The following MUC6 variants were observed in gnomAD, a reference collection of about 807,000 sequenced individuals.
MUC6 encodes the protein mucin 6, oligomeric mucus/gel-forming (gene/pseudogene), also known as mucin-6.
Under a neutral mutation model 201.5 loss-of-function variants are expected in MUC6, and 188 were observed. The ratio of observed to expected loss-of-function variants is 0.93; its 90% CI spans 0.83 to 1.05. The LOEUF is 1.05. Ranked by LOEUF, MUC6 falls within the 50% of genes least tolerant of loss-of-function variation. The pLI is 0.00. For synonymous variants in MUC6, 1,228 were observed against 1,389.4 expected (o/e 0.88, Z 2.58); for missense variants, 2,706 against 3,256.9 (o/e 0.83, Z 4.12).
chr11:1,016,280 G>A lies in MUC6; in HGVS notation c.6521C>T (p.Thr2174Ile), dbSNP rs1367641908. The change falls in exon 31 of 33, where the codon ACC becomes ATC. Residue 2174 changes from threonine (T) to isoleucine (I), a missense_variant. Thr to Ile is a moderately conservative substitution (Grantham distance 89, BLOSUM62 -1). Coordinates refer to ENST00000421673, the MANE Select transcript of MUC6 (RefSeq NM_005961.3). ...SFVSAPVHST[T>I]LSSGSHSSLS... Reference sequence around the variant, plus strand: ...TGAGGAGTGTGACCCCGAGCTCAGGGTTGTGGAGTGCACGGGGGCGGACAC... The same window carrying A: ...TGAGGAGTGTGACCCCGAGCTCAGGATTGTGGAGTGCACGGGGGCGGACAC... 1.2e-6 allele frequency: 2 copies of A among 1,612,836 alleles called. No individual in the cohort carries two copies. The highest frequency in any genetic ancestry group is 1.7e-6 in the Non-Finnish European group (2 of 1,179,618).
chr11:1,013,342 C>T lies in MUC6; in HGVS notation c.*114G>A. ...GCCACGGCCCAGGGCACTTGGGGGC[C>T]AGGCCTGGTGACCAGGAAAGCAGCT... is the stretch of plus-strand genomic sequence containing the variant. On this transcript the variant is annotated 3_prime_UTR_variant, in exon 33 of 33. Coordinates refer to ENST00000421673, the MANE Select transcript of MUC6 (RefSeq NM_005961.3). 8.3e-7 allele frequency: 1 copy of T among 1,204,362 alleles called. No homozygotes were observed. The highest frequency in any genetic ancestry group is 1.6e-5 in the South Asian group (1 of 64,070). 74.6% of individuals were successfully genotyped at this position (1,204,362 alleles called of 1,614,324 possible). A position where few individuals can be genotyped will look rare whatever the true frequency, so the allele number is the denominator to read the frequency against.
rs543051922 is a variant in MUC6 at position 1,016,567 on chromosome 11, G to C, written c.6234C>G (p.Phe2078Leu). ...TSGTSQTHSS[F>L]STATASSSFI... ...AGGAAGAAGAGGCTGTAGCTGTGCT[G>C]AATGAGCTGTGGGTTTGGCTGGTCC... Residue 2078 changes from phenylalanine (F) to leucine (L), a missense_variant, in exon 31 of 33, where the codon TTC becomes TTG. Coordinates refer to ENST00000421673, the MANE Select transcript of MUC6 (RefSeq NM_005961.3). The C allele has an allele frequency of 2.2e-6, 3 of 1,380,954 alleles. No homozygotes were observed. The highest frequency in any genetic ancestry group is 4.3e-5 in the African/African-American group (2 of 46,556). The allele number at this position is 1,380,954 out of a possible 1,614,324, so 85.5% of individuals were successfully genotyped here.
rs777092646 is a variant in MUC6, at chr11:1,020,095, G to A, written c.3803C>T (p.Ser1268Leu). Residue 1268 changes from serine (S) to leucine (L), a missense_variant, in exon 29 of 33, where the codon TCG (serine) becomes TTG (leucine). Transcript: ENST00000421673. ...CTCAGCTGGAGGCTCCTTACCTCCC[G>A]AGGAGGCTGTGGGCTTGGAGGATGT... ...TLTSSKPTAS[S>L]GEPPRPTTAV... 41 of 1,613,516 alleles carry A rather than the reference G, an allele frequency of 2.5e-5. No homozygotes were observed. Among genetic ancestry groups the A allele is most frequent in the Non-Finnish European group, 3.4e-5 (40 of 1,179,826 alleles).
intron 29 of MUC6, chr11:1,019,844 G>T: frequency 3.0e-6 from 2 of 672,590 alleles, no homozygotes; most frequent in South Asian, 1.7e-5. Context: ...GGCCCTGCAG[G>T]TCCCACACGG....
intron 1 of MUC6, among the ~76,000 whole-genome samples, chr11:1,035,366 C>T (rs1472666961): frequency 6.6e-6 from 1 of 152,194 alleles, no homozygotes; most frequent in East Asian, 1.9e-4. Context: ...CAAGTTTAGC[C>T]CCACTTCCTG....
rs1564846290 is a variant in MUC6 at position 1,033,156 on chromosome 11, C to T, written c.53-81G>A. The T allele has an allele frequency of 7.2e-7, 1 of 1,381,542 alleles. No individual in the cohort carries two copies. Among genetic ancestry groups the T allele is most frequent in the Non-Finnish European group, 1.0e-6 (1 of 972,104 alleles). 85.6% of individuals were successfully genotyped at this position (1,381,542 alleles called of 1,614,324 possible). A position where few individuals can be genotyped will look rare whatever the true frequency, so the allele number is the denominator to read the frequency against. ...CCGCTCACCTCTGCTCAGGGCTGCT[C>T]CGCCCGTTTCCCTGCACACACTCGG... On this transcript the variant is annotated intron_variant, in intron 1 of 32. Transcript: ENST00000421673. The surrounding 1 kb of genome is among the most constrained non-coding windows in gnomAD (Gnocchi z 5.6).
rs72842417 is a variant in MUC6 at position 1,031,935 on chromosome 11, G to A, written c.234C>T (p.Ala78=). 1.2e-6 allele frequency: 2 copies of A among 1,613,494 alleles called. No individual in the cohort carries two copies. Among genetic ancestry groups the A allele is most frequent in the Non-Finnish European group, 1.7e-6 (2 of 1,179,880 alleles). The part of the protein sequence containing the change: ...NYIFAATCKD[A]FPTFSVQLRR... ...GCAGCTGGACACTGAAGGTGGGGAAGGCGTCCTTGCAGGTGGCCGCGAAGA... is the reference window on the plus strand; with the variant it reads ...GCAGCTGGACACTGAAGGTGGGGAAAGCGTCCTTGCAGGTGGCCGCGAAGA... Residue 78 remains alanine, a synonymous_variant, in exon 3 of 33, where the codon GCC becomes GCT. Transcript: ENST00000421673.
rs745628982 is a variant in MUC6, at chr11:1,029,109, G to A, written c.1317C>T (p.Tyr439=). The part of the protein sequence containing the change: ...LPEDGALMAV[Y]DKSGVSHSET... ...CGGAGTGTGAGACGCCGGACTTGTC[G>A]TACACAGCCATGAGGGCACCGTCCT... The change falls in exon 11 of 33, where the codon TAC becomes TAT. Residue 439 remains tyrosine, a synonymous_variant. Transcript: ENST00000421673. 4.2e-5 allele frequency: 68 copies of A among 1,612,380 alleles called. No individual in the cohort carries two copies. Among genetic ancestry groups the A allele is most frequent in the African/African-American group, 1.5e-4 (11 of 74,922 alleles).
At chr11:1,028,546 A>G in intron 13 of MUC6, 100 bp downstream of exon 13, 2 of 1,544,136 alleles carry the variant, frequency 1.3e-6, no homozygotes, top group Admixed American at 3.9e-5. Context: ...CCGGACACAG[A>G]GGGTTGTGTG....
Position 1,016,386 on chromosome 11 carries a change from A to AG in MUC6, c.6414dup (p.Ser2139LeufsTer71). 6.2e-7 allele frequency: 1 copy of AG among 1,612,968 alleles called. No individual in the cohort carries two copies. The highest frequency in any genetic ancestry group is 8.5e-7 in the Non-Finnish European group (1 of 1,179,476). ...GAGGGCACATAAGAAGAAACAGTAG[A>AG]GGGGGCAGAAGGACTGGGAGAAAAT... On this transcript the variant is annotated frameshift_variant, in exon 31 of 33. Transcript: ENST00000421673. LOFTEE classifies it high-confidence loss of function.
At chr11:1,028,618 A>G (rs768201451) in intron 13 of MUC6, 28 bp downstream of exon 13, 2 of 1,600,634 alleles carry the variant, frequency 1.2e-6, no homozygotes, top group Non-Finnish European at 1.7e-6. Context: ...ATGAGGCAAC[A>G]GGGCCACCTG....
At position 1,032,073 on chromosome 11, in the gene MUC6, C is replaced by T. The variant is rs748814720; in HGVS notation, c.116-20G>A. ...CCGGGGCTACAGAGAGAGCAGTGCTCACACAGCCCTGTGTCCCCACCATCC... is the reference window on the plus strand; with the variant it reads ...CCGGGGCTACAGAGAGAGCAGTGCTTACACAGCCCTGTGTCCCCACCATCC... On this transcript the variant is annotated intron_variant, in intron 2 of 32. Coordinates refer to ENST00000421673, the MANE Select transcript of MUC6 (RefSeq NM_005961.3). The T allele has an allele frequency of 4.3e-5, 69 of 1,610,568 alleles. No individual in the cohort carries two copies. Among genetic ancestry groups the T allele is most frequent in the Non-Finnish European group, 5.8e-5 (68 of 1,178,342 alleles).
At chr11:1,023,850 G>T in intron 25 of MUC6, 97 bp downstream of exon 25, 1 of 1,499,118 alleles carries the variant, frequency 6.7e-7, no homozygotes, top group Non-Finnish European at 9.0e-7. Context: ...CGCCTGTCCA[G>T]GGAGAGGGGC....
chr11:1,035,470 C>T (rs941220406), intron 1 of MUC6, among the ~76,000 whole-genome samples: 2 of 152,152 alleles, frequency 1.3e-5, no homozygotes, highest in Non-Finnish European at 1.5e-5. Flanking sequence ...CCCACATCTC[C>T]CACGGTTGAA....
At chr11:1,035,040 G>C (rs1187705295) in intron 1 of MUC6, among the ~76,000 whole-genome samples, 2 of 152,216 alleles carry the variant, frequency 1.3e-5, no homozygotes, top group Non-Finnish European at 2.9e-5. Flanking sequence ...CTCAGCCCCT[G>C]GACGAGCACG....
chr11:1,026,255 AC>A, intron 20 of MUC6, 71 bp downstream of exon 20: 1 of 1,541,882 alleles, frequency 6.5e-7, no homozygotes. Context: ...GGACAGCCCC[AC>A]CCCGGGCAGC....
intron 31 of MUC6, among the ~76,000 whole-genome samples, chr11:1,014,790 T>C (rs1328810275): frequency 6.6e-6 from 1 of 152,168 alleles, no homozygotes; most frequent in Non-Finnish European, 1.5e-5. Context: ...GCAGAGGGCT[T>C]TCTCCGGGAG....
chr11:1,019,046 T>G (rs1299367521), intron 30 of MUC6, among the ~76,000 whole-genome samples: 1 of 152,234 alleles, frequency 6.6e-6, no homozygotes, highest in Non-Finnish European at 1.5e-5. Flanking sequence ...TGGTTCCCTG[T>G]GGCCGTGGTG....
chr11:1,029,231 G>A lies in MUC6; in HGVS notation c.1272C>T (p.Leu424=). Residue 424 remains leucine (L), a synonymous_variant, in exon 10 of 33, where the codon CTC becomes CTT. Transcript: ENST00000421673. The part of the protein sequence containing the change: ...RFHGTCTYIL[L]QSPQLPEDGA... Reference sequence around the variant, plus strand: ...CGGGCCACAGGGCTCGTCCTACCTGGAGGAGGATGTAGGTGCAGGTGCCGT... The same window carrying A: ...CGGGCCACAGGGCTCGTCCTACCTGAAGGAGGATGTAGGTGCAGGTGCCGT... The A allele has an allele frequency of 6.2e-7, 1 of 1,607,688 alleles. No individual in the cohort carries two copies. The highest frequency in any genetic ancestry group is 8.5e-7 in the Non-Finnish European group (1 of 1,177,784).
Sources: gnomAD v4.1 joint callset for allele counts (sites outside exome capture counted in the v4.1 genomes callset) on GRCh38, gnomAD v4.1.1 for gene constraint, Gnocchi (gnomAD v3.1) non-coding constraint, MANE v1.5 for transcripts, NCBI Gene and HGNC (gene_info 2026-07-23, HGNC 2026-07-21) for gene names.